TBCE: variants seen among roughly 807,000 people sequenced by gnomAD.
The protein encoded by TBCE is tubulin-specific chaperone E.
In TBCE, 53 loss-of-function variants were observed where a neutral mutation model predicts 77.0. The observed-to-expected ratio is 0.69, with a 90% CI of 0.55 to 0.87. The LOEUF is 0.87. Among genes scored for constraint, TBCE ranks in the 40% least tolerant of loss-of-function variants. The pLI, the probability that TBCE is intolerant of heterozygous loss-of-function variation, is 0.00. For synonymous variants in TBCE, 235 were observed against 241.3 expected (o/e 0.97, Z 0.24); for missense variants, 624 against 622.4 (o/e 1.00, Z -0.03).
chr1:235,436,031 G>A, intron 9 of TBCE, 191 bp downstream of exon 9: 1 of 624,138 alleles, frequency 1.6e-6, no homozygotes, highest in Non-Finnish European at 2.8e-6. Context: ...TGTATAATGT[G>A]GACTATGTCT....
intron 2 of TBCE, among the ~76,000 whole-genome samples, chr1:235,388,285 T>G (rs897324377): frequency 1.6e-5 from 2 of 126,744 alleles, no homozygotes; most frequent in Non-Finnish European, 3.2e-5. Context: ...TGTTACTTCT[T>G]TTTTTTTTTT....
Position 235,450,033 on chromosome 1 carries a change from A to G in TBCE, c.*1271A>G, listed in dbSNP as rs1458299470. On this transcript the variant is annotated 3_prime_UTR_variant, in exon 17 of 17. Coordinates refer to ENST00000642610, the MANE Select transcript of TBCE (RefSeq NM_003193.5). ...ATGCTACAGTACAAGTTGATTTTTA[A>G]GGAAATTTGTGCAAACATTAAGAAA... 3 of 673,854 alleles carry G rather than the reference A, an allele frequency of 4.5e-6. No homozygotes were observed. The East Asian group carries it at 8.5e-5, about 19-fold the overall frequency. The allele number at this position is 673,854 out of a possible 1,614,324, so 41.7% of individuals were successfully genotyped here.
chr1:235,411,404 A>T (rs573773323), intron 3 of TBCE, among the ~76,000 whole-genome samples: 11 of 152,340 alleles, frequency 7.2e-5, no homozygotes, highest in African/African-American at 2.4e-4. Context: ...AAGGTCACCC[A>T]GTCAGTGCTG....
chr1:235,411,124 G>T (rs911812575), intron 3 of TBCE, among the ~76,000 whole-genome samples: 1 of 152,178 alleles, frequency 6.6e-6, no homozygotes, highest in Non-Finnish European at 1.5e-5. Flanking sequence ...TCCAATATGT[G>T]CCCAGAATTA....
intron 5 of TBCE, chr1:235,423,787 CAT>C (rs1416876547): frequency 1.3e-5 from 2 of 152,282 alleles, no homozygotes; most frequent in Non-Finnish European, 2.9e-5. Flanking sequence ...TGCAGGTACT[CAT>C]ATTACCGATT....
chr1:235,369,832 CAAAA>C (rs113566222), intron 1 of TBCE, among the ~76,000 whole-genome samples: 2 of 112,116 alleles, frequency 1.8e-5, no homozygotes, highest in East Asian at 6.2e-4. Flanking sequence ...AACTCTGTCT[CAAAA>C]AAAAAAAAAA....
chr1:235,430,320 C>A, intron 6 of TBCE: 1 of 180,494 alleles, frequency 5.5e-6, no homozygotes, highest in Non-Finnish European at 1.2e-5. Flanking sequence ...AAATTCTAGC[C>A]CATGATTCAG....
At chr1:235,403,502 C>A (rs1679246074) in intron 3 of TBCE, among the ~76,000 whole-genome samples, 1 of 152,114 alleles carries the variant, frequency 6.6e-6, no homozygotes, top group Non-Finnish European at 1.5e-5. Flanking sequence ...GAGCCACCAC[C>A]CCCTGTGAAA....
intron 13 of TBCE, chr1:235,439,138 T>C (rs1404479549): frequency 3.2e-6 from 2 of 633,322 alleles, no homozygotes; most frequent in East Asian, 2.7e-5. Flanking sequence ...GGAGACTGTT[T>C]ATGTTCTTGA....
intron 2 of TBCE, 86 bp from the exon 3 acceptor site, chr1:235,401,417 G>T: frequency 8.8e-7 from 1 of 1,140,794 alleles, no homozygotes; most frequent in Non-Finnish European, 1.3e-6. Flanking sequence ...TATGGTTTCC[G>T]CTGCAAATTG....
chr1:235,419,710 T>A (rs1680292357), intron 5 of TBCE, 149 bp downstream of exon 5: 1 of 1,109,358 alleles, frequency 9.0e-7, no homozygotes, highest in Non-Finnish European at 1.3e-6. Flanking sequence ...GGGGCCCAGA[T>A]AAATTATTTA....
chr1:235,376,162 GAAA>G (rs149185894), intron 1 of TBCE, among the ~76,000 whole-genome samples: 4 of 150,014 alleles, frequency 2.7e-5, no homozygotes, highest in African/African-American at 9.8e-5. Flanking sequence ...GGTAGGAATG[GAAA>G]AAAAAAATTG....
chr1:235,443,993 TATAA>T (rs1290846842), intron 15 of TBCE, among the ~76,000 whole-genome samples: 2 of 152,362 alleles, frequency 1.3e-5, no homozygotes, highest in Middle Eastern at 3.4e-3. Flanking sequence ...AATGCTAAAA[TATAA>T]ATAATTTAGA....
chr1:235,425,965 C>T (rs904343753), intron 5 of TBCE, among the ~76,000 whole-genome samples: 10 of 152,216 alleles, frequency 6.6e-5, no homozygotes, highest in African/African-American at 2.4e-4. Flanking sequence ...GCCTGTGACA[C>T]ACTGTTGAGG....
intron 13 of TBCE, among the ~76,000 whole-genome samples, chr1:235,439,364 C>T (rs530146886): frequency 3.4e-4 from 49 of 146,110 alleles, no homozygotes; most frequent in Non-Finnish European, 6.0e-4. Context: ...GGCGTGGTGG[C>T]GGGCACCTGT....
At chr1:235,386,623 T>C (rs1678023668) in intron 2 of TBCE, among the ~76,000 whole-genome samples, 1 of 152,198 alleles carries the variant, frequency 6.6e-6, no homozygotes, top group African/African-American at 2.4e-5. Context: ...CTTCACGTAG[T>C]TCTTGAGCCT....
chr1:235,382,199 TA>T (rs1677715413), intron 2 of TBCE, among the ~76,000 whole-genome samples: 1 of 151,542 alleles, frequency 6.6e-6, no homozygotes, highest in Admixed American at 6.6e-5. Flanking sequence ...CACATTTTCT[TA>T]ATCCAGTCTA....
Position 235,401,390 on chromosome 1 carries a change from A to G in TBCE, c.101-113A>G. On this transcript the variant is annotated intron_variant, in intron 2 of 16. Transcript: ENST00000642610. ...CTAACTTGTCCATTCCCTCCTCCCC[A>G]AGTGGTATCTGTGTGATATGGTTTC... The G allele has an allele frequency of 3.6e-6, 3 of 844,724 alleles. 1 individual carries two copies. In the South Asian group the frequency reaches 4.1e-5, roughly 12 times the overall value. The allele number at this position is 844,724 out of a possible 1,614,324, so 52.3% of individuals were successfully genotyped here.
chr1:235,411,451 C>T (rs1360934019), intron 3 of TBCE, among the ~76,000 whole-genome samples: 1 of 145,266 alleles, frequency 6.9e-6, no homozygotes, highest in Non-Finnish European at 1.5e-5. Flanking sequence ...CGGGTCCCCT[C>T]AGTGTCCTCC....
Sources: allele counts gnomAD v4.1 joint callset (sites outside exome capture counted in the v4.1 genomes callset), GRCh38; gene constraint gnomAD v4.1.1; transcripts MANE v1.5; gene names NCBI Gene and HGNC (gene_info 2026-07-23, HGNC 2026-07-21).